The following MYO3B variants were observed in gnomAD, a reference collection of about 807,000 sequenced individuals.
MYO3B encodes myosin-IIIb.
MYO3B carries 156 observed loss-of-function variants against 174.6 expected under a neutral mutation model. The observed-to-expected ratio is 0.89, with a 90% CI of 0.78 to 1.02. MYO3B has a LOEUF of 1.02. Ranked by LOEUF, MYO3B falls within the 50% of genes least tolerant of loss-of-function variation. The pLI is 0.00. For missense variants in MYO3B, 1,632 were observed against 1,639.4 expected, an observed-to-expected ratio of 1.00 and a Z score of 0.08; for synonymous variants, 563 against 569.1, an observed-to-expected ratio of 0.99 and a Z score of 0.15.
chr2:170,391,661 C>T lies in MYO3B; in HGVS notation c.1676+43C>T, dbSNP rs766739574. 7.9e-6 allele frequency: 9 copies of T among 1,132,602 alleles called. No individual in the cohort carries two copies. In the Admixed American group the frequency reaches 9.6e-5, roughly 12 times the overall value. The allele number at this position is 1,132,602 out of a possible 1,614,324, so 70.2% of individuals were successfully genotyped here. On this transcript the variant is annotated intron_variant, in intron 15 of 34. Coordinates refer to ENST00000408978, the MANE Select transcript of MYO3B (RefSeq NM_138995.5). ...TGGTTGTTAATTTTTGATGAATGTA[C>T]GATTAGCAGTTGACAAACTTGGAAG...
chr2:170,400,656 C>CG (rs1440108654), intron 17 of MYO3B, among the ~76,000 whole-genome samples: 4 of 134,540 alleles, frequency 3.0e-5, no homozygotes, highest in Admixed American at 7.3e-5. Flanking sequence ...ACCCCCCCCC[C>CG]CTCGGCCTCC....
chr2:170,562,270 G>T (rs996128350), intron 32 of MYO3B, among the ~76,000 whole-genome samples: 2 of 152,040 alleles, frequency 1.3e-5, no homozygotes, highest in African/African-American at 4.8e-5. Flanking sequence ...TTTTTTCCTG[G>T]TTCTCATTCA....
intron 32 of MYO3B, among the ~76,000 whole-genome samples, chr2:170,597,043 GCCCTACTCTC>G (rs2106334625): frequency 6.6e-6 from 1 of 152,120 alleles, no homozygotes; most frequent in South Asian, 2.1e-4. Flanking sequence ...CATTTACCTT[GCCCTACTCTC>G]AGCATCCCTG....
At chr2:170,197,084 C>T (rs187589816) in intron 1 of MYO3B, among the ~76,000 whole-genome samples, 4 of 151,918 alleles carry the variant, frequency 2.6e-5, no homozygotes, top group African/African-American at 9.7e-5. Flanking sequence ...CTCCTGTGGC[C>T]CCACCCAGCA....
intron 6 of MYO3B, among the ~76,000 whole-genome samples, chr2:170,234,158 G>A (rs182862664): frequency 0.053 from 5,728 of 107,834 alleles, 516 homozygotes; most frequent in African/African-American, 0.18. Flanking sequence ...GCGACAGAGT[G>A]AGACTCCGTC....
chr2:170,401,780 C>G, intron 18 of MYO3B, 89 bp downstream of exon 18: 1 of 1,058,184 alleles, frequency 9.5e-7, no homozygotes, highest in East Asian at 2.5e-5. Flanking sequence ...ATTTGGTCCT[C>G]TCTGGGATTT....
At chr2:170,638,739 A>G (rs888466865) in intron 32 of MYO3B, among the ~76,000 whole-genome samples, 2 of 152,230 alleles carry the variant, frequency 1.3e-5, no homozygotes, top group Non-Finnish European at 2.9e-5. Context: ...GCAGCTCAGA[A>G]TCTTCAGGCC....
chr2:170,536,313 G>T (rs1188566751), intron 30 of MYO3B, among the ~76,000 whole-genome samples: 3 of 152,162 alleles, frequency 2.0e-5, no homozygotes, highest in Non-Finnish European at 2.9e-5. Context: ...CCCTTCTGAT[G>T]AATTTATCCT....
At chr2:170,626,657 A>G (rs946949464) in intron 32 of MYO3B, among the ~76,000 whole-genome samples, 5 of 152,160 alleles carry the variant, frequency 3.3e-5, no homozygotes, top group African/African-American at 1.2e-4. Context: ...GGTCTTTACA[A>G]TTTGGCAAGT....
intron 32 of MYO3B, among the ~76,000 whole-genome samples, chr2:170,546,489 G>C (rs764438428): frequency 1.3e-5 from 2 of 152,238 alleles, no homozygotes; most frequent in Admixed American, 6.5e-5. Context: ...AATAGATATA[G>C]TGTACTAGTG....
chr2:170,566,066 T>C (rs1692059001), intron 32 of MYO3B, among the ~76,000 whole-genome samples: 1 of 152,188 alleles, frequency 6.6e-6, no homozygotes, highest in Admixed American at 6.5e-5. Context: ...ACTTGAAATA[T>C]TAGTCTTCAT....
chr2:170,200,202 A>G lies in MYO3B; in HGVS notation c.239A>G (p.Asn80Ser). The G allele has an allele frequency of 6.2e-7, 1 of 1,613,550 alleles. No individual in the cohort carries two copies. The highest frequency in any genetic ancestry group is 8.5e-7 in the Non-Finnish European group (1 of 1,179,650). ...AEYNILQFLP[N>S]HPNVVKFYGM... ...TACAACATTTTGCAGTTCCTTCCTA[A>G]TCATCCCAATGTTGTAAAGTTTTAT... Residue 80 changes from asparagine (N) to serine (S), a missense_variant, in exon 3 of 35, where the codon AAT becomes AGT. By Grantham distance (46) the Asn-to-Ser change is conservative. Coordinates refer to ENST00000408978, the MANE Select transcript of MYO3B (RefSeq NM_138995.5).
chr2:170,552,667 A>G (rs1400390143), intron 32 of MYO3B, among the ~76,000 whole-genome samples: 2 of 152,180 alleles, frequency 1.3e-5, no homozygotes, highest in Non-Finnish European at 2.9e-5. Context: ...AGAAAAACAC[A>G]TTTTCTGTGG....
At chr2:170,639,380 C>T (rs1411584629) in intron 32 of MYO3B, among the ~76,000 whole-genome samples, 2 of 152,246 alleles carry the variant, frequency 1.3e-5, no homozygotes, top group South Asian at 4.1e-4. Flanking sequence ...TTTGGGTGGC[C>T]ATTTTCGCCA....
chr2:170,414,120 T>C (rs1465553573), intron 22 of MYO3B, among the ~76,000 whole-genome samples: 1 of 152,218 alleles, frequency 6.6e-6, no homozygotes, highest in African/African-American at 2.4e-5. Context: ...TTGGTTATTA[T>C]TTATGTGGTT....
chr2:170,631,678 G>A (rs1043814146), intron 32 of MYO3B, among the ~76,000 whole-genome samples: 1 of 152,038 alleles, frequency 6.6e-6, no homozygotes, highest in Non-Finnish European at 1.5e-5. Context: ...CCCACAAAGG[G>A]AAGCCCATCA....
At chr2:170,190,746 G>A (rs1339419632) in intron 1 of MYO3B, among the ~76,000 whole-genome samples, 1 of 152,064 alleles carries the variant, frequency 6.6e-6, no homozygotes, top group Non-Finnish European at 1.5e-5. Flanking sequence ...AGGGTAGTAG[G>A]CTTCCCCAAC....
chr2:170,295,243 A>G (rs1407231590), intron 7 of MYO3B, among the ~76,000 whole-genome samples: 3 of 151,850 alleles, frequency 2.0e-5, no homozygotes, highest in Admixed American at 1.3e-4. Context: ...CTAATGGGCT[A>G]GTTTATTCTG....
At chr2:170,222,099 G>A (rs1448947747) in intron 6 of MYO3B, among the ~76,000 whole-genome samples, 2 of 152,170 alleles carry the variant, frequency 1.3e-5, no homozygotes, top group Admixed American at 1.3e-4. Context: ...ATAGAGTCAT[G>A]AAAACTTCCG....
Sources: gnomAD v4.1 joint callset for allele counts (sites outside exome capture counted in the v4.1 genomes callset) on GRCh38, gnomAD v4.1.1 for gene constraint, MANE v1.5 for transcripts, NCBI Gene and HGNC (gene_info 2026-07-23, HGNC 2026-07-21) for gene names.